Variants in AP2M1 observed in about 807,000 individuals in gnomAD.
AP2M1 encodes AP-2 complex subunit mu.
Under a neutral mutation model 54.5 loss-of-function variants are expected in AP2M1, and 5 were observed. That is an observed-to-expected ratio of 0.09 (90% CI 0.05 to 0.19). AP2M1 has a LOEUF of 0.19. Ranked by LOEUF, AP2M1 falls within the 10% of genes least tolerant of loss-of-function variation. The pLI is 1.00. For missense variants in AP2M1, 178 were observed against 580.2 expected, an observed-to-expected ratio of 0.31 and a Z score of 7.12; for synonymous variants, 186 against 208.2, an observed-to-expected ratio of 0.89 and a Z score of 0.92.
rs748831917 is a variant in AP2M1 at position 184,180,809 on chromosome 3, A to G, written c.430-40A>G. ...AGAGACAGGATGATTAAAGGGACAGAGGAGTGAGGCCATTGCTGTTTGTTT... is the reference window on the plus strand; with the variant it reads ...AGAGACAGGATGATTAAAGGGACAGGGGAGTGAGGCCATTGCTGTTTGTTT... On this transcript the variant is annotated intron_variant, in intron 5 of 11. Transcript: ENST00000292807. The surrounding 1 kb of genome is among the most constrained non-coding windows in gnomAD (Gnocchi z 4.9). The G allele has an allele frequency of 3.1e-6, 5 of 1,614,232 alleles. No individual in the cohort carries two copies. Among genetic ancestry groups the G allele is most frequent in the Non-Finnish European group, 3.4e-6 (4 of 1,180,040 alleles).
chr3:184,175,483 C>G (rs1976700), intron 1 of AP2M1, among the ~76,000 whole-genome samples: 51,327 of 151,868 alleles, frequency 0.34, 8,878 homozygotes, highest in East Asian at 0.53. Context: ...GAAAAGCCTA[C>G]CACCCTCTCA....
chr3:184,183,176 CG>C lies in AP2M1; in HGVS notation c.1174-305del. On this transcript the variant is annotated intron_variant, in intron 11 of 11. Transcript: ENST00000292807. This position sits in a 1 kb window ranked among gnomAD's most constrained non-coding sequence, Gnocchi z 5.7. ...AGGATAATGGGCTGACTTTGCTTTG[CG>C]CATGTTAGACATAATTTTCTCCACC... The C allele has an allele frequency of 1.8e-6, 1 of 549,428 alleles. No homozygotes were observed. The highest frequency in any genetic ancestry group is 3.3e-6 in the Non-Finnish European group (1 of 306,788). 34.0% of individuals were successfully genotyped at this position (549,428 alleles called of 1,614,324 possible). A position where few individuals can be genotyped will look rare whatever the true frequency, so the allele number is the denominator to read the frequency against.
At position 184,183,781 on chromosome 3, in the gene AP2M1, G is replaced by T; in HGVS notation, c.*165G>T. 1.3e-6 allele frequency: 1 copy of T among 791,742 alleles called. No individual in the cohort carries two copies. Among genetic ancestry groups the T allele is most frequent in the Non-Finnish European group, 1.9e-6 (1 of 513,728 alleles). The allele number at this position is 791,742 out of a possible 1,614,324, so 49.0% of individuals were successfully genotyped here. A position where few individuals can be genotyped will look rare whatever the true frequency, so the allele number is the denominator to read the frequency against. ...GGCCAAGCACATTACAAGTGGGACC[G>T]GTGGAGCAGCCCCTGGGCTCCCTGG... On this transcript the variant is annotated 3_prime_UTR_variant, in exon 12 of 12. Transcript: ENST00000292807. This position sits in a 1 kb window ranked among gnomAD's most constrained non-coding sequence, Gnocchi z 5.7.
intron 1 of AP2M1, among the ~76,000 whole-genome samples, chr3:184,175,278 G>A (rs1715029977): frequency 6.6e-6 from 1 of 151,494 alleles, no homozygotes. Flanking sequence ...CTACCCCTCC[G>A]CGCAAGGACA....
rs1715348097 is a variant in AP2M1 at position 184,183,688 on chromosome 3, C to A, written c.*72C>A. Reference sequence around the variant, plus strand: ...GGTCCAGGTGCCGCTCCCTCCCCCACCACACATCAGTGTCTCCTCCCTCCT... The same window carrying A: ...GGTCCAGGTGCCGCTCCCTCCCCCAACACACATCAGTGTCTCCTCCCTCCT... On this transcript the variant is annotated 3_prime_UTR_variant, in exon 12 of 12. Coordinates refer to ENST00000292807, the MANE Select transcript of AP2M1 (RefSeq NM_004068.4). The surrounding 1 kb of genome is among the most constrained non-coding windows in gnomAD (Gnocchi z 5.7). 4 of 1,530,604 alleles carry A rather than the reference C, an allele frequency of 2.6e-6. No individual in the cohort carries two copies. The highest frequency in any genetic ancestry group is 2.7e-5 in the African/African-American group (2 of 72,816). The allele number at this position is 1,530,604 out of a possible 1,614,324, so 94.8% of individuals were successfully genotyped here. A position where few individuals can be genotyped will look rare whatever the true frequency, so the allele number is the denominator to read the frequency against.
In AP2M1 at chr3:184,181,436, G is replaced by A; in HGVS notation, c.707+210G>A. On this transcript the variant is annotated intron_variant, in intron 7 of 11. Coordinates refer to ENST00000292807, the MANE Select transcript of AP2M1 (RefSeq NM_004068.4). This position sits in a 1 kb window ranked among gnomAD's most constrained non-coding sequence, Gnocchi z 5.7. ...GCAAGCCCCTTTGTTTGGTCCCTAG[G>A]ACCAAGGCCTTTTCTGTACATACTG... 1 of 864,286 alleles carries A rather than the reference G, an allele frequency of 1.2e-6. No homozygotes were observed. The highest frequency in any genetic ancestry group is 1.7e-6 in the Non-Finnish European group (1 of 575,482). The allele number at this position is 864,286 out of a possible 1,614,324, so 53.5% of individuals were successfully genotyped here.
At position 184,176,960 on chromosome 3, in the gene AP2M1, CAG is replaced by C; in HGVS notation, c.-31_-30del. On this transcript the variant is annotated 5_prime_UTR_variant, in exon 2 of 12. Transcript: ENST00000292807. ...CCCCCGCCTGTCCTAGGTCTGTTCT[CAG>C]AGCGATGGGCCGCGGAGACTGATCT... The C allele has an allele frequency of 6.2e-7, 1 of 1,610,722 alleles. No homozygotes were observed. The highest frequency in any genetic ancestry group is 1.1e-5 in the South Asian group (1 of 90,590).
chr3:184,176,503 G>A (rs2231211), intron 1 of AP2M1, among the ~76,000 whole-genome samples: 2,382 of 152,298 alleles, frequency 0.016, 68 homozygotes, highest in African/African-American at 0.055. Context: ...GAGACTGGAT[G>A]CTCTAAAGGT....
chr3:184,177,769 G>A, intron 2 of AP2M1: 1 of 699,526 alleles, frequency 1.4e-6, no homozygotes, highest in Non-Finnish European at 2.3e-6. Flanking sequence ...CGACTGAAGG[G>A]ACCTATCCTA....
intron 1 of AP2M1, chr3:184,175,178 C>T (rs1392331298): frequency 2.5e-6 from 1 of 393,162 alleles, no homozygotes; most frequent in Admixed American, 4.4e-5. Context: ...CCTGACCCGC[C>T]TGGCGCCTCC....
chr3:184,180,555 C>G lies in AP2M1; in HGVS notation c.424-90C>G. 5 of 1,602,412 alleles carry G rather than the reference C, an allele frequency of 3.1e-6. No individual in the cohort carries two copies. The highest frequency in any genetic ancestry group is 4.3e-6 in the Non-Finnish European group (5 of 1,172,680). On this transcript the variant is annotated intron_variant, in intron 4 of 11. Transcript: ENST00000292807. The surrounding 1 kb of genome is among the most constrained non-coding windows in gnomAD (Gnocchi z 4.9). Reference sequence around the variant, plus strand: ...CAGGAGGAGCGAGCTTGGGCCCTCTCCTCTAGGATCCAAGCCTCATAGCTT... The same window carrying G: ...CAGGAGGAGCGAGCTTGGGCCCTCTGCTCTAGGATCCAAGCCTCATAGCTT...
intron 1 of AP2M1, among the ~76,000 whole-genome samples, chr3:184,176,481 A>G (rs190675039): frequency 9.2e-5 from 14 of 152,322 alleles, no homozygotes; most frequent in African/African-American, 3.1e-4. Context: ...TCTGAAGGGT[A>G]GTGGAGCCCA....
In AP2M1 at chr3:184,176,813, G is replaced by A. The variant is rs1000804653; in HGVS notation, c.-43-138G>A. ...GGAACTGGAGCCTGGCTGAGGGGAG[G>A]GGCATGTCTGGGAGGGCTGCAGGGT... On this transcript the variant is annotated intron_variant, in intron 1 of 11. Coordinates refer to ENST00000292807, the MANE Select transcript of AP2M1 (RefSeq NM_004068.4). 5 of 543,248 alleles carry A rather than the reference G, an allele frequency of 9.2e-6. No homozygotes were observed. The South Asian group carries it at 1.3e-4, about 14-fold the overall frequency. The allele number at this position is 543,248 out of a possible 1,614,324, so 33.7% of individuals were successfully genotyped here. A position where few individuals can be genotyped will look rare whatever the true frequency, so the allele number is the denominator to read the frequency against.
intron 1 of AP2M1, among the ~76,000 whole-genome samples, chr3:184,175,328 G>A (rs1715032109): frequency 6.6e-6 from 1 of 151,794 alleles, no homozygotes; most frequent in African/African-American, 2.4e-5. Flanking sequence ...CCTTTGTGCC[G>A]CCGCCTTGCA....
intron 2 of AP2M1, chr3:184,177,924 G>T (rs1014427824): frequency 5.7e-5 from 34 of 597,832 alleles, no homozygotes; most frequent in Non-Finnish European, 9.8e-5. Context: ...TGGCCCTTGC[G>T]GGCGTTTGTC....
intron 1 of AP2M1, among the ~76,000 whole-genome samples, chr3:184,175,429 C>T (rs1379039179): frequency 6.6e-6 from 1 of 152,140 alleles, no homozygotes; most frequent in Non-Finnish European, 1.5e-5. Flanking sequence ...ACAGCCCCCG[C>T]ACCCCCATGG....
Position 184,181,804 on chromosome 3 carries a change from T to C in AP2M1, c.816T>C (p.Phe272=), listed in dbSNP as rs1472446448. The C allele has an allele frequency of 6.2e-7, 1 of 1,613,784 alleles. No individual in the cohort carries two copies. Among genetic ancestry groups the C allele is most frequent in the Non-Finnish European group, 8.5e-7 (1 of 1,179,656 alleles). Residue 272 remains phenylalanine, a synonymous_variant, in exon 8 of 12, where the codon TTT becomes TTC. Coordinates refer to ENST00000292807, the MANE Select transcript of AP2M1 (RefSeq NM_004068.4). The surrounding 1 kb of genome is among the most constrained non-coding windows in gnomAD (Gnocchi z 5.7). The part of the protein sequence containing the change: ...SISFIPPDGE[F]ELMRYRTTKD... ...GCTTTATCCCGCCAGATGGAGAGTT[T>C]GAGCTTATGAGGTGCCATTGGGGTG...
Position 184,178,124 on chromosome 3 carries a change from G to T in AP2M1, c.75-733G>T. On this transcript the variant is annotated intron_variant, in intron 2 of 11. Transcript: ENST00000292807. The surrounding 1 kb of genome is among the most constrained non-coding windows in gnomAD (Gnocchi z 4.9). ...GCCTCACGGTGTGTGCCGCCCTCCCGGTGTGTTGTGTGTCTAACCCTCTCT... is the reference window on the plus strand; with the variant it reads ...GCCTCACGGTGTGTGCCGCCCTCCCTGTGTGTTGTGTGTCTAACCCTCTCT... 7.1e-7 allele frequency: 1 copy of T among 1,410,778 alleles called. No individual in the cohort carries two copies. Among genetic ancestry groups the T allele is most frequent in the South Asian group, 1.2e-5 (1 of 81,612 alleles). 87.4% of individuals were successfully genotyped at this position (1,410,778 alleles called of 1,614,324 possible).
At position 184,180,959 on chromosome 3, in the gene AP2M1, T is replaced by C; in HGVS notation, c.540T>C (p.Ser180=). 6.2e-7 allele frequency: 1 copy of C among 1,613,594 alleles called. No homozygotes were observed. The change falls in exon 6 of 12, where the codon AGT becomes AGC. Residue 180 remains serine (S), a synonymous_variant. Coordinates refer to ENST00000292807, the MANE Select transcript of AP2M1 (RefSeq NM_004068.4). This position sits in a 1 kb window ranked among gnomAD's most constrained non-coding sequence, Gnocchi z 4.9. ...AGCTCTTCCTGGATGTGCTGGAGAG[T>C]GTGAACCTGCTCATGTCCCCACAAG... is the stretch of plus-strand genomic sequence containing the variant. ...RNELFLDVLE[S]VNLLMSPQGQ...
Sources: allele counts gnomAD v4.1 joint callset (sites outside exome capture counted in the v4.1 genomes callset), GRCh38; gene constraint gnomAD v4.1.1; non-coding constraint Gnocchi (gnomAD v3.1); transcripts MANE v1.5; gene names NCBI Gene and HGNC (gene_info 2026-07-23, HGNC 2026-07-21).